Variants in SIM1 observed in about 807,000 individuals in gnomAD.
The protein encoded by SIM1 is single-minded homolog 1.
Under a neutral mutation model 78.2 loss-of-function variants are expected in SIM1, and 18 were observed. The observed-to-expected ratio is 0.23, with a 90% confidence interval of 0.16 to 0.34. SIM1 has a LOEUF of 0.34. Ranked by LOEUF, SIM1 falls within the 10% of genes least tolerant of loss-of-function variation. The probability of loss-of-function intolerance (pLI) is 1.00; values close to 1 mark genes in which losing one functional copy is unlikely to be tolerated. For synonymous variants in SIM1, 417 were observed against 385.2 expected, an observed-to-expected ratio of 1.08 and a Z score of -0.97; for missense variants, 939 against 975.1, an observed-to-expected ratio of 0.96 and a Z score of 0.49.
At chr6:100,418,452 C>A (rs1771470220) in intron 10 of SIM1, among the ~76,000 whole-genome samples, 1 of 151,954 alleles carries the variant, frequency 6.6e-6, no homozygotes. Context: ...TTCTTTAAAT[C>A]ATAGAACGTG....
intron 10 of SIM1, among the ~76,000 whole-genome samples, chr6:100,405,215 A>C (rs1325443181): frequency 6.6e-6 from 1 of 152,082 alleles, no homozygotes. Flanking sequence ...ACAGTTCCTA[A>C]AGAATTAAGC....
At chr6:100,450,246 A>G in intron 4 of SIM1, 21 bp downstream of exon 4, 2 of 1,595,042 alleles carry the variant, frequency 1.3e-6, no homozygotes, top group Admixed American at 3.3e-5. Flanking sequence ...TGCAGGTGGG[A>G]TATGTGAACC....
intron 2 of SIM1, among the ~76,000 whole-genome samples, chr6:100,456,339 G>A (rs1447357195): frequency 6.6e-6 from 1 of 152,124 alleles, no homozygotes; most frequent in Admixed American, 6.5e-5. Context: ...TTGGCGAGGG[G>A]GTAAGCTGAG....
At chr6:100,419,576 TA>T (rs1771508811) in intron 10 of SIM1, among the ~76,000 whole-genome samples, 1 of 152,238 alleles carries the variant, frequency 6.6e-6, no homozygotes, top group Non-Finnish European at 1.5e-5. Flanking sequence ...AAAATATATT[TA>T]AAAATAAATG....
At chr6:100,428,381 GA>G (rs1475433986) in intron 9 of SIM1, among the ~76,000 whole-genome samples, 2 of 152,086 alleles carry the variant, frequency 1.3e-5, no homozygotes, top group Non-Finnish European at 1.5e-5. Flanking sequence ...ATCTACAATA[GA>G]AAAATAAGAA....
chr6:100,442,791 A>C (rs1416464273), intron 9 of SIM1, among the ~76,000 whole-genome samples: 1 of 152,092 alleles, frequency 6.6e-6, no homozygotes, highest in Non-Finnish European at 1.5e-5. Flanking sequence ...CTGGTCTTTA[A>C]ATAAGTAATT....
At position 100,393,498 on chromosome 6, in the gene SIM1, T is replaced by C. The variant is rs1435329451; in HGVS notation, c.1559A>G (p.His520Arg). The C allele has an allele frequency of 2.0e-6, 3 of 1,535,840 alleles. No individual in the cohort carries two copies. The highest frequency in any genetic ancestry group is 2.8e-5 in the African/African-American group (2 of 72,470). The change falls in exon 11 of 12, where the codon CAC (histidine) becomes CGC (arginine). Residue 520 changes from histidine to arginine, a missense_variant. By Grantham distance (29) the His-to-Arg change is conservative (BLOSUM62 0). Transcript: ENST00000369208. Reference protein sequence around the residue: ...ENSMPHIASVHRIHGRGHWDE... With the variant: ...ENSMPHIASVRRIHGRGHWDE... ...TCACCTGCTCTTACCATGGATCCTG[T>C]GGACTGAAGCGATGTGAGGCATGCT...
chr6:100,390,463 G>A lies in SIM1; in HGVS notation c.2199C>T (p.Gly733=), dbSNP rs1770607396. The A allele has an allele frequency of 8.1e-6, 13 of 1,614,132 alleles. No homozygotes were observed. The highest frequency in any genetic ancestry group is 1.1e-5 in the Non-Finnish European group (13 of 1,180,024). The change falls in exon 12 of 12, where the codon GGC becomes GGT. Residue 733 remains glycine (G), a synonymous_variant. Coordinates refer to ENST00000369208, the MANE Select transcript of SIM1 (RefSeq NM_005068.3). ...TTACATCAAAGTGTGAGCCATTACA[G>A]CCCAAGGAATAGTTTCTAATGGTTT... is the stretch of plus-strand genomic sequence containing the variant. ...DSETIRNYSL[G]CNGSHFDVTS...
Position 100,390,690 on chromosome 6 carries a change from T to C in SIM1, c.1972A>G (p.Ile658Val), listed in dbSNP as rs13197841. 1 of 1,614,158 alleles carries C rather than the reference T, an allele frequency of 6.2e-7. No homozygotes were observed. Among genetic ancestry groups the C allele is most frequent in the Admixed American group, 1.7e-5 (1 of 60,014 alleles). Residue 658 changes from isoleucine to valine, a missense_variant, in exon 12 of 12, where the codon ATA becomes GTA. By Grantham distance (29) the Ile-to-Val change is conservative. Around this residue, in one of 5 missense-constraint regions of SIM1, gnomAD observed 556 missense variants for 521.9 expected, o/e 1.07. Transcript: ENST00000369208. ...YDNSPTALSR[I>V]SSPNSDRISK... is the part of the protein sequence containing the mutation. ...ATGCGATCCGAATTGGGACTACTTATCCGAGATAGTGCGGTGGGACTGTTG... is the reference window on the plus strand; with the variant it reads ...ATGCGATCCGAATTGGGACTACTTACCCGAGATAGTGCGGTGGGACTGTTG...
In SIM1 at chr6:100,463,368, G is replaced by A. The variant is rs952068103; in HGVS notation, c.101C>T (p.Thr34Ile). ...TATGGATGCTTTGTCCAGCTGCGAG[G>A]TGATAGCCGAGGGCAAAGGCAGTAA... ...AKLLPLPSAI[T>I]SQLDKASIIR... The change falls in exon 2 of 12, where the codon ACC becomes ATC. Residue 34 changes from threonine (T) to isoleucine (I), a missense_variant. By Grantham distance (89) the Thr-to-Ile change is moderately conservative. Around this residue, in one of 5 missense-constraint regions of SIM1, gnomAD observed 121 missense variants for 124.6 expected, o/e 0.97. Transcript: ENST00000369208. 3 of 1,613,992 alleles carry A rather than the reference G, an allele frequency of 1.9e-6. No individual in the cohort carries two copies. Among genetic ancestry groups the A allele is most frequent in the African/African-American group, 2.7e-5 (2 of 74,912 alleles).
intron 2 of SIM1, among the ~76,000 whole-genome samples, chr6:100,458,690 G>A (rs1772753707): frequency 6.6e-6 from 1 of 152,146 alleles, no homozygotes; most frequent in South Asian, 2.1e-4. Flanking sequence ...GGCTGACTGC[G>A]TGCTTCGGGC....
chr6:100,390,567 A>T lies in SIM1; in HGVS notation c.2095T>A (p.Phe699Ile). ...GDHPTVSPNC[F>I]GSHRQYFDKH... ...TCAAAATACTGCCGGTGAGAGCCAAAGCAGTTTGGAGAGACAGTAGGGTGG... is the reference window on the plus strand; with the variant it reads ...TCAAAATACTGCCGGTGAGAGCCAATGCAGTTTGGAGAGACAGTAGGGTGG... The change falls in exon 12 of 12, where the codon TTT becomes ATT. Residue 699 changes from phenylalanine to isoleucine, a missense_variant. By Grantham distance (21) the Phe-to-Ile change is conservative (BLOSUM62 0). Transcript: ENST00000369208. 3 of 1,614,224 alleles carry T rather than the reference A, an allele frequency of 1.9e-6. No homozygotes were observed. Among genetic ancestry groups the T allele is most frequent in the Non-Finnish European group, 2.5e-6 (3 of 1,180,032 alleles).
intron 2 of SIM1, among the ~76,000 whole-genome samples, chr6:100,457,608 G>A (rs568613000): frequency 2.0e-4 from 31 of 152,208 alleles, no homozygotes; most frequent in Admixed American, 1.1e-3. Flanking sequence ...TCAGCCTCCG[G>A]GCGCCTCCGC....
intron 3 of SIM1, 61 bp downstream of exon 3, chr6:100,453,701 C>G: frequency 8.7e-7 from 1 of 1,151,972 alleles, no homozygotes; most frequent in Non-Finnish European, 1.2e-6. Flanking sequence ...AAAAGCTCAA[C>G]TCAGGGCCAG....
chr6:100,451,253 G>A (rs530811944), intron 3 of SIM1, among the ~76,000 whole-genome samples: 28 of 152,188 alleles, frequency 1.8e-4, no homozygotes, highest in Non-Finnish European at 3.8e-4. Context: ...GCTGATGTTT[G>A]AGCAGAACCT....
chr6:100,386,151 T>C lies in SIM1; in HGVS notation c.*4210A>G, dbSNP rs559845903. On this transcript the variant is annotated 3_prime_UTR_variant, in exon 12 of 12. Transcript: ENST00000369208. ...AGGATTTACATTCTTTTTAAAATCATTATGAAAACAGGATGTATGTCAACA... is the reference window on the plus strand; with the variant it reads ...AGGATTTACATTCTTTTTAAAATCACTATGAAAACAGGATGTATGTCAACA... 4 of 152,152 alleles carry C rather than the reference T, an allele frequency of 2.6e-5. No individual in the cohort carries two copies. The highest frequency in any genetic ancestry group is 2.6e-4 in the Admixed American group (4 of 15,264). 9.4% of individuals were successfully genotyped at this position (152,152 alleles called of 1,614,324 possible).
intron 9 of SIM1, among the ~76,000 whole-genome samples, chr6:100,433,312 G>C (rs1413134124): frequency 1.2e-4 from 18 of 151,962 alleles, no homozygotes; most frequent in Non-Finnish European, 2.6e-4. Context: ...CCCTTACTCA[G>C]TGGCCACCAC....
chr6:100,402,342 C>T (rs889689662), intron 10 of SIM1, among the ~76,000 whole-genome samples: 1 of 152,030 alleles, frequency 6.6e-6, no homozygotes, highest in East Asian at 1.9e-4. Flanking sequence ...AGGCCACTAG[C>T]CAGTCATCTA....
intron 9 of SIM1, among the ~76,000 whole-genome samples, chr6:100,423,780 A>G (rs775094121): frequency 3.9e-5 from 6 of 152,208 alleles, no homozygotes; most frequent in Non-Finnish European, 8.8e-5. Context: ...GCCATTAGAC[A>G]TCAGTGAGCC....
Sources: allele counts gnomAD v4.1 joint callset (sites outside exome capture counted in the v4.1 genomes callset), GRCh38; gene constraint gnomAD v4.1.1; regional missense constraint gnomAD v4.1.1; transcripts MANE v1.5; gene names NCBI Gene and HGNC (gene_info 2026-07-23, HGNC 2026-07-21).